The following PDE10A variants were observed in gnomAD, a reference collection of about 807,000 sequenced individuals.
PDE10A encodes the protein phosphodiesterase 10A, also known as cAMP and cAMP-inhibited cGMP 3',5'-cyclic phosphodiesterase 10A.
In PDE10A, 39 loss-of-function variants were observed where a neutral mutation model predicts 97.7. That is an observed-to-expected ratio of 0.40 (90% CI 0.31 to 0.52). PDE10A has a LOEUF of 0.52. Ranked by LOEUF, PDE10A falls within the 20% of genes least tolerant of loss-of-function variation. The pLI is 0.56. For synonymous variants in PDE10A, 371 were observed against 376.8 expected (o/e 0.98, Z 0.18); for missense variants, 731 against 1,047.8 (o/e 0.70, Z 4.17).
At chr6:165,607,413 A>T (rs1787264388) in intron 1 of PDE10A, among the ~76,000 whole-genome samples, 1 of 152,138 alleles carries the variant, frequency 6.6e-6, no homozygotes, top group Non-Finnish European at 1.5e-5. Flanking sequence ...TTATGTTCAG[A>T]TATATTTGGT....
At chr6:165,523,034 A>AT (rs1322717293) in intron 2 of PDE10A, among the ~76,000 whole-genome samples, 7 of 150,168 alleles carry the variant, frequency 4.7e-5, no homozygotes, top group African/African-American at 1.5e-4. Flanking sequence ...AGCCACAAAA[A>AT]TAAAAAAAAA....
intron 2 of PDE10A, among the ~76,000 whole-genome samples, chr6:165,492,856 A>G (rs1780307046): frequency 6.6e-6 from 1 of 152,142 alleles, no homozygotes; most frequent in South Asian, 2.1e-4. Flanking sequence ...CAAACAAGAG[A>G]AAGAAAGAGC....
intron 1 of PDE10A, among the ~76,000 whole-genome samples, chr6:165,963,572 G>A (rs1784419080): frequency 6.6e-6 from 1 of 152,186 alleles, no homozygotes; most frequent in African/African-American, 2.4e-5. Context: ...TGTGGTGAGA[G>A]TTTGTCAGAA....
At chr6:165,653,533 A>C (rs1789788729) in intron 1 of PDE10A, among the ~76,000 whole-genome samples, 1 of 152,206 alleles carries the variant, frequency 6.6e-6, no homozygotes, top group Non-Finnish European at 1.5e-5. Flanking sequence ...GACAGAGCAG[A>C]AAGGCCAGAG....
chr6:165,663,078 G>C lies in PDE10A; in HGVS notation c.-267C>G, dbSNP rs895779648. On this transcript the variant is annotated 5_prime_UTR_variant, in exon 1 of 22. Transcript: ENST00000539869. ...AGGCGCGCACAATCGGCGTCCTCCC[G>C]GGCCGGGGCTAGGGACGGCGGAGAC... 6.6e-6 allele frequency among the ~76,000 whole-genome samples: 1 copy of C among 151,782 alleles called. No homozygotes were observed. Among genetic ancestry groups the C allele is most frequent in the Non-Finnish European group, 1.5e-5 (1 of 67,892 alleles).
intron 3 of PDE10A, among the ~76,000 whole-genome samples, chr6:165,468,671 G>A (rs1038884902): frequency 3.9e-5 from 6 of 152,236 alleles, no homozygotes; most frequent in Non-Finnish European, 8.8e-5. Flanking sequence ...AAATCCTATT[G>A]GGGGAGGGGA....
At chr6:165,837,755 G>A (rs1350342454) in intron 1 of PDE10A, among the ~76,000 whole-genome samples, 2 of 145,462 alleles carry the variant, frequency 1.4e-5, no homozygotes, top group African/African-American at 2.6e-5. Flanking sequence ...GCACAATCTC[G>A]GCTCACTGCA....
chr6:165,981,087 TG>T (rs1324700813), intron 1 of PDE10A, among the ~76,000 whole-genome samples: 3 of 152,148 alleles, frequency 2.0e-5, no homozygotes, highest in Non-Finnish European at 2.9e-5. Flanking sequence ...GCATGTTTGT[TG>T]GGGAGCAAGA....
At position 165,400,251 on chromosome 6, in the gene PDE10A, G is replaced by C. The variant is rs554196063; in HGVS notation, c.2077-3792C>G. Among the ~76,000 whole-genome samples the C allele has an allele frequency of 9.3e-5, 14 of 151,342 alleles. No homozygotes were observed. The South Asian group carries it at 2.7e-3, about 29-fold the overall frequency. On this transcript the variant is annotated intron_variant, in intron 13 of 21. Transcript: ENST00000539869. Reference sequence around the variant, plus strand: ...ATAAAACTTCTAGAAAAAAAAAACAGAGGAGAAATGTCTTAACGACCTTAG... The same window carrying C: ...ATAAAACTTCTAGAAAAAAAAAACACAGGAGAAATGTCTTAACGACCTTAG...
At chr6:165,623,441 C>A (rs1315076905) in intron 1 of PDE10A, among the ~76,000 whole-genome samples, 1 of 151,508 alleles carries the variant, frequency 6.6e-6, no homozygotes, top group Non-Finnish European at 1.5e-5. Flanking sequence ...TATAGCAATG[C>A]AAGAACAGCC....
At chr6:165,681,651 C>T (rs1270960995) in intron 1 of PDE10A, among the ~76,000 whole-genome samples, 1 of 152,094 alleles carries the variant, frequency 6.6e-6, no homozygotes, top group Non-Finnish European at 1.5e-5. Flanking sequence ...TAGTTTTTTC[C>T]TTTTTCTAAA....
At chr6:165,729,385 T>C (rs1043480269) in intron 1 of PDE10A, among the ~76,000 whole-genome samples, 6 of 152,204 alleles carry the variant, frequency 3.9e-5, no homozygotes, top group Non-Finnish European at 8.8e-5. Flanking sequence ...TTGGATAAAT[T>C]ACTTGAAGCA....
chr6:165,422,390 CGCATACACACATACGCATACACACATAT>C lies in PDE10A; in HGVS notation c.1654-3641_1654-3614del, dbSNP rs1310029335. On this transcript the variant is annotated intron_variant, in intron 10 of 21. Coordinates refer to ENST00000539869, the MANE Select transcript of PDE10A (RefSeq NM_001385079.1). ...ATATACACACACAGGCATACACACA[CGCATACACACATACGCATACACACATAT>C]GCATACACACATACGCATACACACA... is the stretch of plus-strand genomic sequence containing the variant. Among the ~76,000 whole-genome samples, 264 of 142,910 alleles carry C rather than the reference CGCATACACACATACGCATACACACATAT, an allele frequency of 1.8e-3. 10 individuals are homozygous for C. The highest frequency in any genetic ancestry group is 3.1e-3 in the Admixed American group (45 of 14,600). The allele number at this position is 142,910 out of a possible 152,430, so 93.8% of individuals were successfully genotyped here.
rs114131952 is a variant in PDE10A at position 165,396,485 on chromosome 6, C to A, written c.2077-26G>T. On this transcript the variant is annotated intron_variant, in intron 13 of 21. Transcript: ENST00000539869. Reference sequence around the variant, plus strand: ...CTAGAAGGCAAATCCAAAAAAAAAACCCCCAAAATTAAAAGAATATTTAAA... The same window carrying A: ...CTAGAAGGCAAATCCAAAAAAAAAAACCCCAAAATTAAAAGAATATTTAAA... 19,196 of 1,449,578 alleles carry A rather than the reference C, an allele frequency of 0.013. 168 individuals carry two copies. Among genetic ancestry groups the A allele is most frequent in the African/African-American group, 0.02 (1,352 of 69,290 alleles). 89.8% of individuals were successfully genotyped at this position (1,449,578 alleles called of 1,614,324 possible).
At chr6:165,706,584 G>A (rs1791715726) in intron 1 of PDE10A, among the ~76,000 whole-genome samples, 1 of 152,162 alleles carries the variant, frequency 6.6e-6, no homozygotes, top group African/African-American at 2.4e-5. Flanking sequence ...CAGGGCTTCA[G>A]TGTTAACATT....
At chr6:165,371,081 T>C (rs1181833581) in intron 18 of PDE10A, among the ~76,000 whole-genome samples, 6 of 148,468 alleles carry the variant, frequency 4.0e-5, no homozygotes, top group Non-Finnish European at 8.9e-5. Context: ...TTCAAAGCAG[T>C]GTGTAGAGGG....
chr6:165,883,804 C>A (rs1781554951), intron 1 of PDE10A, among the ~76,000 whole-genome samples: 1 of 152,118 alleles, frequency 6.6e-6, no homozygotes, highest in African/African-American at 2.4e-5. Flanking sequence ...CACTGATCTA[C>A]CCTAAGCCGC....
intron 2 of PDE10A, among the ~76,000 whole-genome samples, chr6:165,522,728 C>T (rs1001946925): frequency 3.3e-5 from 5 of 152,108 alleles, no homozygotes; most frequent in Admixed American, 3.3e-4. Flanking sequence ...CAAGAATGTC[C>T]ACTCTTATCA....
At chr6:165,643,295 A>G (rs762620059) in intron 1 of PDE10A, among the ~76,000 whole-genome samples, 6 of 114,162 alleles carry the variant, frequency 5.3e-5, no homozygotes, top group Non-Finnish European at 9.6e-5. Context: ...AGATGAACGG[A>G]TGGGTGTACA....
Sources: gnomAD v4.1 joint callset for allele counts (sites outside exome capture counted in the v4.1 genomes callset) on GRCh38, gnomAD v4.1.1 for gene constraint, MANE v1.5 for transcripts, NCBI Gene and HGNC (gene_info 2026-07-23, HGNC 2026-07-21) for gene names.